Variants in MYO3B observed in about 807,000 individuals in gnomAD.
MYO3B encodes myosin IIIB.
Under a neutral mutation model 174.6 loss-of-function variants are expected in MYO3B, and 156 were observed. The ratio of observed to expected loss-of-function variants is 0.89; its 90% CI spans 0.78 to 1.02. The LOEUF is 1.02. MYO3B is among the 50% of genes least tolerant of loss of function. MYO3B has a pLI of 0.00. For missense variants in MYO3B, 1,632 were observed against 1,639.4 expected (o/e 1.00, Z 0.08); for synonymous variants, 563 against 569.1 (o/e 0.99, Z 0.15).
chr2:170,545,065 T>C (rs1311850701), intron 32 of MYO3B, among the ~76,000 whole-genome samples: 4 of 152,232 alleles, frequency 2.6e-5, no homozygotes, highest in African/African-American at 9.6e-5. Flanking sequence ...AATGTGATTA[T>C]TGATATGTTT....
chr2:170,441,601 T>C (rs1224305828), intron 22 of MYO3B, among the ~76,000 whole-genome samples: 2 of 152,240 alleles, frequency 1.3e-5, no homozygotes, highest in Non-Finnish European at 2.9e-5. Context: ...CTTGATTATA[T>C]GCTTAATAAG....
At chr2:170,586,988 C>T (rs1181761160) in intron 32 of MYO3B, among the ~76,000 whole-genome samples, 2 of 152,198 alleles carry the variant, frequency 1.3e-5, no homozygotes, top group African/African-American at 4.8e-5. Context: ...GGATTTTCTC[C>T]TTTTAATGAA....
chr2:170,628,745 C>A (rs531234032), intron 32 of MYO3B, among the ~76,000 whole-genome samples: 1 of 152,130 alleles, frequency 6.6e-6, no homozygotes, highest in Non-Finnish European at 1.5e-5. Context: ...CATCAAAGCC[C>A]CCCTAGAAGT....
chr2:170,520,480 T>G (rs1054809080), intron 30 of MYO3B, among the ~76,000 whole-genome samples: 1 of 146,104 alleles, frequency 6.8e-6, no homozygotes, highest in Admixed American at 7.1e-5. Context: ...TATATACACA[T>G]ATATATATAC....
chr2:170,585,294 T>C (rs753685341), intron 32 of MYO3B, among the ~76,000 whole-genome samples: 1 of 152,156 alleles, frequency 6.6e-6, no homozygotes, highest in Non-Finnish European at 1.5e-5. Context: ...GTAGTACTCA[T>C]AGTAATTCTT....
At chr2:170,535,207 C>G (rs1249003060) in intron 30 of MYO3B, among the ~76,000 whole-genome samples, 3 of 152,124 alleles carry the variant, frequency 2.0e-5, no homozygotes, top group African/African-American at 7.2e-5. Context: ...TAGTAGGAGA[C>G]AAATTTAAAG....
intron 29 of MYO3B, among the ~76,000 whole-genome samples, chr2:170,516,340 A>T (rs1688306041): frequency 6.6e-6 from 1 of 150,946 alleles, no homozygotes; most frequent in South Asian, 2.1e-4. Context: ...TTTCCATCTT[A>T]CTTCAAAATA....
At chr2:170,501,318 C>T (rs545850067) in intron 27 of MYO3B, among the ~76,000 whole-genome samples, 1 of 152,300 alleles carries the variant, frequency 6.6e-6, no homozygotes, top group Non-Finnish European at 1.5e-5. Flanking sequence ...TTTCCCTTAA[C>T]TCCGCTCTTT....
chr2:170,436,509 T>C (rs769638644), intron 22 of MYO3B, among the ~76,000 whole-genome samples: 5 of 152,228 alleles, frequency 3.3e-5, no homozygotes, highest in Non-Finnish European at 5.9e-5. Context: ...TTCTGGGCTA[T>C]TAATCACAGT....
chr2:170,401,811 T>C lies in MYO3B; in HGVS notation c.2129+120T>C, dbSNP rs2094478868. ...GATTTTCTTTCTTTTTCTTTTTTTT[T>C]TTTTTTGTGGAGTCAGAGTCTCACG... is the stretch of plus-strand genomic sequence containing the variant. On this transcript the variant is annotated intron_variant, in intron 18 of 34. Coordinates refer to ENST00000408978, the MANE Select transcript of MYO3B (RefSeq NM_138995.5). The C allele has an allele frequency of 3.0e-6, 3 of 1,002,582 alleles. No individual in the cohort carries two copies. The African/African-American group carries it at 5.0e-5, about 17-fold the overall frequency. 62.1% of individuals were successfully genotyped at this position (1,002,582 alleles called of 1,614,324 possible). A position where few individuals can be genotyped will look rare whatever the true frequency, so the allele number is the denominator to read the frequency against.
At chr2:170,369,687 T>A (rs1270690795) in intron 9 of MYO3B, among the ~76,000 whole-genome samples, 13 of 78 alleles carry the variant, frequency 0.17, no homozygotes, top group Admixed American at 0.5. Flanking sequence ...AAATTTGGAT[T>A]TTTTTTTTTT....
intron 32 of MYO3B, among the ~76,000 whole-genome samples, chr2:170,636,582 A>G (rs552418565): frequency 1.1e-4 from 17 of 152,004 alleles, no homozygotes; most frequent in South Asian, 2.1e-4. Flanking sequence ...TCCCCATCTC[A>G]TGCAGGATGA....
intron 32 of MYO3B, among the ~76,000 whole-genome samples, chr2:170,590,527 T>A (rs1274446432): frequency 6.6e-6 from 1 of 152,060 alleles, no homozygotes; most frequent in East Asian, 1.9e-4. Flanking sequence ...TCACACCAGC[T>A]GAGGCTACTT....
intron 3 of MYO3B, among the ~76,000 whole-genome samples, chr2:170,208,814 C>T (rs1399605246): frequency 6.6e-6 from 1 of 152,124 alleles, no homozygotes; most frequent in Non-Finnish European, 1.5e-5. Flanking sequence ...TAAAGTGCAG[C>T]AAGAATAATT....
intron 3 of MYO3B, among the ~76,000 whole-genome samples, chr2:170,207,695 A>G (rs1379848548): frequency 6.6e-6 from 1 of 151,664 alleles, no homozygotes; most frequent in African/African-American, 2.4e-5. Context: ...TTTTTTCTCA[A>G]AGGATTAGTC....
chr2:170,305,207 C>G (rs531933176), intron 7 of MYO3B, among the ~76,000 whole-genome samples: 3 of 152,294 alleles, frequency 2.0e-5, no homozygotes, highest in Admixed American at 1.3e-4. Context: ...TATTCTCTGT[C>G]ACGGTGTAGG....
At chr2:170,359,261 C>A (rs2094144036) in intron 8 of MYO3B, among the ~76,000 whole-genome samples, 1 of 152,140 alleles carries the variant, frequency 6.6e-6, no homozygotes, top group Non-Finnish European at 1.5e-5. Context: ...TTAAGTTTGC[C>A]TAAGATTCCA....
At chr2:170,393,760 C>A (rs939800888) in intron 16 of MYO3B, among the ~76,000 whole-genome samples, 1 of 152,040 alleles carries the variant, frequency 6.6e-6, no homozygotes. Flanking sequence ...TTCTGTCTAG[C>A]CAGCTGTTAA....
intron 32 of MYO3B, among the ~76,000 whole-genome samples, chr2:170,570,513 A>G (rs1482116184): frequency 6.6e-6 from 1 of 152,190 alleles, no homozygotes; most frequent in East Asian, 1.9e-4. Flanking sequence ...ATTGAGCCAG[A>G]AAGTTTGGAG....
Sources: gnomAD v4.1 joint callset for allele counts (sites outside exome capture counted in the v4.1 genomes callset) on GRCh38, gnomAD v4.1.1 for gene constraint, MANE v1.5 for transcripts, NCBI Gene and HGNC (gene_info 2026-07-23, HGNC 2026-07-21) for gene names.